NCALD: variants seen among roughly 807,000 people sequenced by gnomAD.
NCALD encodes the protein neurocalcin-delta.
A neutral mutation model predicts 18.6 loss-of-function variants in NCALD; 10 were observed. The observed-to-expected ratio is 0.54, with a 90% confidence interval of 0.33 to 0.91. The LOEUF (loss-of-function observed/expected upper bound fraction) is 0.91. NCALD is among the 40% of genes least tolerant of loss of function. The pLI, the probability that NCALD is intolerant of heterozygous loss-of-function variation, is 0.03. For synonymous variants in NCALD, 88 were observed against 87.4 expected (o/e 1.01, Z -0.04); for missense variants, 184 against 247.6 (o/e 0.74, Z 1.72).
chr8:101,973,360 C>T (rs753112354), intron 2 of NCALD, among the ~76,000 whole-genome samples: 5 of 152,044 alleles, frequency 3.3e-5, no homozygotes, highest in Non-Finnish European at 5.9e-5. Flanking sequence ...TATCATAGGA[C>T]GGCCCTCTGT....
At chr8:101,717,794 T>C (rs773793190) in intron 2 of NCALD, among the ~76,000 whole-genome samples, 7 of 152,054 alleles carry the variant, frequency 4.6e-5, no homozygotes, top group African/African-American at 7.2e-5. Flanking sequence ...CAACAAAAAA[T>C]AGAATGGGAA....
In NCALD at chr8:101,982,840, CAA is replaced by C. The variant is rs34445002; in HGVS notation, c.-157+37395_-157+37396del. ...TGGGCGACAGAGCGAGACCCCATCT[CAA>C]AAAAAAAAAAAAAAATCCTTATACC... On this transcript the variant is annotated intron_variant, in intron 2 of 6. Transcript: ENST00000311028. Among the ~76,000 whole-genome samples, 174 of 112,222 alleles carry C rather than the reference CAA, an allele frequency of 1.6e-3. 1 individual carries two copies. Among genetic ancestry groups the C allele is most frequent in the East Asian group, 0.01 (36 of 3,544 alleles). 73.6% of individuals were successfully genotyped at this position (112,222 alleles called of 152,430 possible). A position where few individuals can be genotyped will look rare whatever the true frequency, so the allele number is the denominator to read the frequency against.
At position 102,017,442 on chromosome 8, in the gene NCALD, G is replaced by A. The variant is rs143072686; in HGVS notation, c.-157+2795C>T. ...AAAACTACTCTTCCAGGCTGAGCGC[G>A]GTGGCTCACGCCTATAATACCAGCA... On this transcript the variant is annotated intron_variant, in intron 2 of 6. Coordinates refer to the NCALD transcript ENST00000311028. Among the ~76,000 whole-genome samples, 1,014 of 152,268 alleles carry A rather than the reference G, an allele frequency of 6.7e-3. 10 individuals are homozygous for A. The highest frequency in any genetic ancestry group is 0.019 in the African/African-American group (797 of 41,556).
chr8:102,033,159 C>T (rs764711770), intron 1 of NCALD, among the ~76,000 whole-genome samples: 5 of 152,066 alleles, frequency 3.3e-5, no homozygotes, highest in South Asian at 2.1e-4. Context: ...CTGATCAAGG[C>T]GCTAATTTCA....
chr8:102,108,403 A>T (rs1825541253), intron 1 of NCALD, among the ~76,000 whole-genome samples: 1 of 152,204 alleles, frequency 6.6e-6, no homozygotes, highest in Non-Finnish European at 1.5e-5. Flanking sequence ...GACACTGAAG[A>T]TCTCTAAGAC....
intron 2 of NCALD, among the ~76,000 whole-genome samples, chr8:101,962,440 A>G (rs949052265): frequency 6.6e-6 from 1 of 152,194 alleles, no homozygotes; most frequent in Admixed American, 6.5e-5. Flanking sequence ...CTGCTGGCCT[A>G]TGCAGCACCT....
intron 2 of NCALD, among the ~76,000 whole-genome samples, chr8:101,700,056 A>ATTTATTTATTTT (rs531550008): frequency 1.8e-4 from 27 of 150,978 alleles, no homozygotes; most frequent in Admixed American, 3.3e-4. Context: ...TTATTTATTT[A>ATTTATTTATTTT]TTCATTTATT....
In NCALD at chr8:101,751,415, C is replaced by A. The variant is rs138886471; in HGVS notation, c.-19-31767G>T. Reference sequence around the variant, plus strand: ...GTTTCTCTATGGAATGAAAAAAGTTCTGGAAATGGGTAATGGTGACAGTTA... The same window carrying A: ...GTTTCTCTATGGAATGAAAAAAGTTATGGAAATGGGTAATGGTGACAGTTA... On this transcript the variant is annotated intron_variant, in intron 1 of 3. Coordinates refer to ENST00000220931, the MANE Select transcript of NCALD (RefSeq NM_032041.3). Among the ~76,000 whole-genome samples the A allele has an allele frequency of 3.5e-4, 54 of 152,150 alleles. No individual in the cohort carries two copies. The East Asian group carries it at 7.7e-3, about 22-fold the overall frequency.
chr8:101,872,104 G>A lies in NCALD; in HGVS notation c.-20+15037C>T, dbSNP rs183363583. The A allele has an allele frequency of 1.8e-4, 283 of 1,593,512 alleles. 5 individuals are homozygous for A. The East Asian group carries it at 4.5e-3, about 25-fold the overall frequency. ...ATTGGGTATGCAGGTGGTTGAATTG[G>A]CTTTGATAAATTTGACATCAGGAAA... On this transcript the variant is annotated intron_variant, in intron 4 of 6. Coordinates refer to the NCALD transcript ENST00000311028.
At chr8:101,909,388 T>G (rs114169942) in intron 3 of NCALD, among the ~76,000 whole-genome samples, 1 of 152,308 alleles carries the variant, frequency 6.6e-6, no homozygotes, top group African/African-American at 2.4e-5. Flanking sequence ...GTGCTTCCCA[T>G]GAAGCAAAGA....
chr8:102,022,527 G>A (rs1489534289), intron 1 of NCALD, among the ~76,000 whole-genome samples: 1 of 152,154 alleles, frequency 6.6e-6, no homozygotes, highest in Non-Finnish European at 1.5e-5. Flanking sequence ...AATGTAGGGG[G>A]ATTCTGTTTT....
At chr8:101,861,892 G>T (rs1022866325) in intron 4 of NCALD, among the ~76,000 whole-genome samples, 4 of 152,140 alleles carry the variant, frequency 2.6e-5, no homozygotes, top group African/African-American at 7.2e-5. Flanking sequence ...TTCATGTCCA[G>T]GTACTGTTTA....
chr8:102,123,142 G>C (rs536753358), intron 1 of NCALD, among the ~76,000 whole-genome samples: 2 of 152,342 alleles, frequency 1.3e-5, no homozygotes, highest in East Asian at 3.9e-4. Flanking sequence ...AGCAAACTCT[G>C]CTCTTGGTAA....
chr8:102,035,201 T>A (rs1382476215), intron 1 of NCALD, among the ~76,000 whole-genome samples: 1 of 151,912 alleles, frequency 6.6e-6, no homozygotes, highest in African/African-American at 2.4e-5. Flanking sequence ...TCACCTGGTC[T>A]CTGCTGGAAG....
At chr8:102,015,064 T>G (rs1288927205) in intron 2 of NCALD, among the ~76,000 whole-genome samples, 1 of 152,164 alleles carries the variant, frequency 6.6e-6, no homozygotes, top group Non-Finnish European at 1.5e-5. Context: ...AGGAAATCAA[T>G]AAGTTGTGGA....
At chr8:101,982,233 G>C (rs1820646555) in intron 2 of NCALD, among the ~76,000 whole-genome samples, 1 of 152,144 alleles carries the variant, frequency 6.6e-6, no homozygotes, top group Non-Finnish European at 1.5e-5. Flanking sequence ...TTCCCTTATA[G>C]CAACACAAAA....
At chr8:101,708,799 C>T (rs1243471497) in intron 2 of NCALD, among the ~76,000 whole-genome samples, 3 of 152,088 alleles carry the variant, frequency 2.0e-5, no homozygotes, top group Non-Finnish European at 4.4e-5. Context: ...CCCTCAAGAT[C>T]CCAGAGCACA....
chr8:101,768,781 G>A (rs1053931093), intron 1 of NCALD, among the ~76,000 whole-genome samples: 3 of 151,820 alleles, frequency 2.0e-5, no homozygotes, highest in Admixed American at 1.3e-4. Flanking sequence ...AAAAGAAGGG[G>A]TAAATTAATT....
chr8:102,002,294 T>A (rs1177476619), intron 2 of NCALD, among the ~76,000 whole-genome samples: 1 of 152,130 alleles, frequency 6.6e-6, no homozygotes, highest in Non-Finnish European at 1.5e-5. Context: ...CATTACATAA[T>A]GGTAAAGGGA....
Sources: allele counts gnomAD v4.1 joint callset (sites outside exome capture counted in the v4.1 genomes callset), GRCh38; gene constraint gnomAD v4.1.1; transcripts MANE v1.5; gene names NCBI Gene and HGNC (gene_info 2026-07-23, HGNC 2026-07-21).